BMPR2: variants seen among roughly 807,000 people sequenced by gnomAD.
BMPR2 encodes bone morphogenetic protein receptor type 2.
A neutral mutation model predicts 100.8 loss-of-function variants in BMPR2; 29 were observed. That is an observed-to-expected ratio of 0.29 (90% CI 0.21 to 0.39). The LOEUF (loss-of-function observed/expected upper bound fraction) is 0.39, where lower values mean the gene tolerates loss of function less well. Ranked by LOEUF, BMPR2 falls within the 10% of genes least tolerant of loss-of-function variation. BMPR2 has a pLI of 1.00. For missense variants in BMPR2, 1,011 were observed against 1,274.5 expected, an observed-to-expected ratio of 0.79 and a Z score of 3.15; for synonymous variants, 382 against 442.3, an observed-to-expected ratio of 0.86 and a Z score of 1.71.
intron 1 of BMPR2, among the ~76,000 whole-genome samples, chr2:202,453,967 A>T (rs991294531): frequency 2.6e-5 from 4 of 152,188 alleles, no homozygotes; most frequent in Non-Finnish European, 5.9e-5. Context: ...AAAATAAAAA[A>T]ATTTTTTGTA....
intron 1 of BMPR2, among the ~76,000 whole-genome samples, chr2:202,394,357 A>C (rs143792935): frequency 0.011 from 1,654 of 149,740 alleles, 20 homozygotes; most frequent in Non-Finnish European, 0.018. Context: ...GTCTCAAAAA[A>C]AAAAAAGTAA....
In BMPR2 at chr2:202,565,754, CTT is replaced by C. The variant is rs1313292333; in HGVS notation, c.*5811_*5812del. 6.6e-6 allele frequency: 1 copy of C among 152,272 alleles called. No individual in the cohort carries two copies. The highest frequency in any genetic ancestry group is 1.5e-5 in the Non-Finnish European group (1 of 67,982). 9.4% of individuals were successfully genotyped at this position (152,272 alleles called of 1,614,324 possible). A position where few individuals can be genotyped will look rare whatever the true frequency, so the allele number is the denominator to read the frequency against. Reference sequence around the variant, plus strand: ...TATCTATGGACATTTTTGTAGACCACTTTTGAAATACTTATTATTTTGCAACA... The same window carrying C: ...TATCTATGGACATTTTTGTAGACCACTTGAAATACTTATTATTTTGCAACA... On this transcript the variant is annotated 3_prime_UTR_variant, in exon 13 of 13. Transcript: ENST00000374580.
intron 1 of BMPR2, among the ~76,000 whole-genome samples, chr2:202,390,543 G>C (rs1479682910): frequency 6.6e-6 from 1 of 151,980 alleles, no homozygotes; most frequent in African/African-American, 2.4e-5. Context: ...TGTTGGCTGG[G>C]CTGGTCTCGA....
chr2:202,476,080 T>TAAAAAA (rs56243938), intron 3 of BMPR2, among the ~76,000 whole-genome samples: 1 of 95,406 alleles, frequency 1.0e-5, no homozygotes, highest in Non-Finnish European at 2.0e-5. Context: ...GTCTCAAGGT[T>TAAAAAA]AAAAAAAAAA....
At chr2:202,462,569 C>T (rs1052491933) in intron 1 of BMPR2, among the ~76,000 whole-genome samples, 12 of 151,204 alleles carry the variant, frequency 7.9e-5, no homozygotes, top group African/African-American at 2.7e-4. Context: ...TAATAGAGCA[C>T]GTTAATTGAT....
rs762725807 is a variant in BMPR2 at position 202,555,498 on chromosome 2, CACA to C, written c.1839_1841del (p.Thr615del). On this transcript the variant is annotated inframe_deletion, in exon 12 of 13. Coordinates refer to ENST00000374580, the MANE Select transcript of BMPR2 (RefSeq NM_001204.7). ...CAAGTGTCACCAGCCTCTCCACCAA[CACA>C]ACAACCACAAACACCACAGGACTCA... 48 of 1,614,098 alleles carry C rather than the reference CACA, an allele frequency of 3.0e-5. No individual in the cohort carries two copies. Among genetic ancestry groups the C allele is most frequent in the Non-Finnish European group, 3.9e-5 (46 of 1,179,978 alleles).
rs188333591 is a variant in BMPR2 at position 202,434,187 on chromosome 2, A to T, written c.77-30622A>T. Among the ~76,000 whole-genome samples the T allele has an allele frequency of 1.2e-4, 18 of 150,730 alleles. No individual in the cohort carries two copies. The East Asian group carries it at 3.5e-3, about 29-fold the overall frequency. On this transcript the variant is annotated intron_variant, in intron 1 of 12. Coordinates refer to ENST00000374580, the MANE Select transcript of BMPR2 (RefSeq NM_001204.7). ...ATAGACGAGCAGTGCTTTCAATGGA[A>T]TTTTTAAACAAATGGGATCAAGATC... is the stretch of plus-strand genomic sequence containing the variant.
intron 3 of BMPR2, among the ~76,000 whole-genome samples, chr2:202,500,910 C>A (rs545884699): frequency 6.6e-6 from 1 of 152,208 alleles, no homozygotes; most frequent in African/African-American, 2.4e-5. Context: ...ACAGACCACA[C>A]GTCCCAACTT....
intron 1 of BMPR2, among the ~76,000 whole-genome samples, chr2:202,463,549 C>A (rs906824562): frequency 6.6e-6 from 1 of 152,122 alleles, no homozygotes; most frequent in African/African-American, 2.4e-5. Context: ...AAGTCAGAAG[C>A]CCCCAAGGAA....
At chr2:202,536,971 C>G (rs1380517991) in intron 9 of BMPR2, among the ~76,000 whole-genome samples, 2 of 152,014 alleles carry the variant, frequency 1.3e-5, no homozygotes, top group Admixed American at 1.3e-4. Flanking sequence ...AATCATAGCT[C>G]ACTGCAGCAC....
intron 1 of BMPR2, among the ~76,000 whole-genome samples, chr2:202,449,126 T>G (rs1165379999): frequency 6.6e-6 from 1 of 151,720 alleles, no homozygotes; most frequent in Non-Finnish European, 1.5e-5. Flanking sequence ...CTGACCAACA[T>G]GGAGAAACCC....
intron 3 of BMPR2, among the ~76,000 whole-genome samples, chr2:202,483,213 A>G (rs1454654495): frequency 1.3e-5 from 2 of 151,878 alleles, no homozygotes; most frequent in Non-Finnish European, 2.9e-5. Flanking sequence ...CATTTGTTTT[A>G]TGTTGTTAAG....
At chr2:202,458,326 C>T (rs181392442) in intron 1 of BMPR2, among the ~76,000 whole-genome samples, 14 of 141,690 alleles carry the variant, frequency 9.9e-5, no homozygotes, top group Admixed American at 6.5e-4. Context: ...AAAAATTAGC[C>T]GGGCTTGGTG....
At chr2:202,403,421 T>C (rs531023147) in intron 1 of BMPR2, among the ~76,000 whole-genome samples, 2 of 151,734 alleles carry the variant, frequency 1.3e-5, no homozygotes, top group African/African-American at 2.4e-5. Flanking sequence ...GATGGTCTTA[T>C]TCTCTTGACC....
chr2:202,391,136 C>T (rs1317535922), intron 1 of BMPR2, among the ~76,000 whole-genome samples: 2 of 151,500 alleles, frequency 1.3e-5, no homozygotes, highest in Non-Finnish European at 2.9e-5. Flanking sequence ...GCCACCACCC[C>T]CAGCTAATTT....
intron 1 of BMPR2, among the ~76,000 whole-genome samples, chr2:202,378,346 A>T (rs1445287485): frequency 6.6e-6 from 1 of 152,324 alleles, no homozygotes; most frequent in African/African-American, 2.4e-5. Context: ...TATTTTTTCA[A>T]GCAGCCTTTT....
rs2229778 is a variant in BMPR2 at position 202,552,783 on chromosome 2, C to T, written c.1481C>T (p.Ala494Val). The T allele has an allele frequency of 1.7e-5, 27 of 1,614,096 alleles. No homozygotes were observed. The East Asian group carries it at 5.3e-4, about 32-fold the overall frequency. Residue 494 changes from alanine (A) to valine (V), a missense_variant, in exon 11 of 13, where the codon GCA becomes GTA. Around this residue, in one of 6 missense-constraint regions of BMPR2, gnomAD observed 83 missense variants for 140.7 expected, o/e 0.59. Coordinates refer to ENST00000374580, the MANE Select transcript of BMPR2 (RefSeq NM_001204.7). ...CAGGATGCAGAGGCTCGGCTTACTG[C>T]ACAGTGTGCTGAGGAAAGGATGGCT... is the stretch of plus-strand genomic sequence containing the variant. ...WDQDAEARLT[A>V]QCAEERMAEL... is the part of the protein sequence containing the mutation.
intron 7 of BMPR2, among the ~76,000 whole-genome samples, chr2:202,526,917 G>A (rs1687923740): frequency 6.6e-6 from 1 of 152,044 alleles, no homozygotes; most frequent in Admixed American, 6.6e-5. Flanking sequence ...AGGGTGGAGG[G>A]CAATGGCATA....
At chr2:202,537,743 G>A (rs913251640) in intron 9 of BMPR2, among the ~76,000 whole-genome samples, 6 of 152,094 alleles carry the variant, frequency 3.9e-5, no homozygotes, top group East Asian at 1.9e-4. Context: ...AAAATACCCC[G>A]TAATCTTGGA....
Sources: gnomAD v4.1 joint callset for allele counts (sites outside exome capture counted in the v4.1 genomes callset) on GRCh38, gnomAD v4.1.1 for gene constraint, gnomAD v4.1.1 regional missense constraint, MANE v1.5 for transcripts, NCBI Gene and HGNC (gene_info 2026-07-23, HGNC 2026-07-21) for gene names.